Variants in RGS6 observed in about 807,000 individuals in gnomAD.
RGS6 encodes the protein regulator of G-protein signaling 6.
A neutral mutation model predicts 78.5 loss-of-function variants in RGS6; 30 were observed. That is an observed-to-expected ratio of 0.38 (90% CI 0.29 to 0.52). The LOEUF is 0.52. Ranked by LOEUF, RGS6 falls within the 20% of genes least tolerant of loss-of-function variation. The probability of loss-of-function intolerance (pLI) is 0.85; values close to 1 mark genes in which losing one functional copy is unlikely to be tolerated. For synonymous variants in RGS6, 206 were observed against 206.0 expected (o/e 1.00, Z 0.00); for missense variants, 495 against 609.7 (o/e 0.81, Z 1.98).
intron 2 of RGS6, among the ~76,000 whole-genome samples, chr14:72,032,056 G>C (rs1448248167): frequency 2.0e-5 from 3 of 152,232 alleles, no homozygotes; most frequent in East Asian, 3.9e-4. Flanking sequence ...ATGGACTGCT[G>C]TATGTCTACT....
chr14:72,170,312 T>G (rs2096994289), intron 2 of RGS6, among the ~76,000 whole-genome samples: 1 of 152,224 alleles, frequency 6.6e-6, no homozygotes, highest in South Asian at 2.1e-4. Flanking sequence ...TAGTGGACAA[T>G]TTTAAGAAAT....
rs549676732 is a variant in RGS6 at position 72,445,499 on chromosome 14, A to T, written c.185-9029A>T. Among the ~76,000 whole-genome samples the T allele has an allele frequency of 4.0e-5, 6 of 149,552 alleles. No homozygotes were observed. In the East Asian group the frequency reaches 9.9e-4, roughly 25 times the overall value. On this transcript the variant is annotated intron_variant, in intron 3 of 17. Transcript: ENST00000553525. ...AGATGTGATTTTTTTTTTTTTTTTA[A>T]CAGTATCAGTGGGTGAAAGACCCTG... is the stretch of plus-strand genomic sequence containing the variant.
intron 10 of RGS6, among the ~76,000 whole-genome samples, chr14:72,475,022 T>TG (rs777667429): frequency 1.4e-4 from 6 of 44,308 alleles, no homozygotes; most frequent in East Asian, 7.1e-4. Flanking sequence ...CTGGAGTGGG[T>TG]GGGGGTGGGG....
At chr14:72,540,751 TC>T (rs1204493172) in intron 17 of RGS6, 2 of 1,259,694 alleles carry the variant, frequency 1.6e-6, no homozygotes, top group East Asian at 5.4e-5. Flanking sequence ...TCCTGGGTAC[TC>T]CCCGGGGGCA....
chr14:72,042,773 T>C (rs2092535305), intron 2 of RGS6, among the ~76,000 whole-genome samples: 1 of 152,186 alleles, frequency 6.6e-6, no homozygotes, highest in South Asian at 2.1e-4. Flanking sequence ...GGGAGGTTAT[T>C]ATAAATATGG....
At chr14:72,224,264 G>A (rs2047561104) in intron 2 of RGS6, among the ~76,000 whole-genome samples, 1 of 151,988 alleles carries the variant, frequency 6.6e-6, no homozygotes, top group African/African-American at 2.4e-5. Context: ...ACAAAAAAGT[G>A]CAAAAATTAG....
At chr14:72,240,598 C>A (rs2052520136) in intron 2 of RGS6, among the ~76,000 whole-genome samples, 1 of 152,110 alleles carries the variant, frequency 6.6e-6, no homozygotes, top group Non-Finnish European at 1.5e-5. Flanking sequence ...TTATAGTAGG[C>A]AGTACCTCAG....
chr14:72,052,916 T>A lies in RGS6; in HGVS notation c.84+88041T>A, dbSNP rs539667876. ...CAGGACAGTGCACATGTTCAGAGTT[T>A]CATTGTATTTTTCTTTCTTTCTTTC... On this transcript the variant is annotated intron_variant, in intron 2 of 17. Coordinates refer to ENST00000553525, the MANE Select transcript of RGS6 (RefSeq NM_001204424.2). Among the ~76,000 whole-genome samples, 5 of 152,178 alleles carry A rather than the reference T, an allele frequency of 3.3e-5. No homozygotes were observed. The South Asian group carries it at 1.0e-3, about 32-fold the overall frequency.
At chr14:72,604,231 T>C in the RGS6 span, among the ~76,000 whole-genome samples, 2 of 152,160 alleles carry the variant, frequency 1.3e-5, no homozygotes. Context: ...GGTTGCAGTG[T>C]TTAAGACACA....
intron 2 of RGS6, among the ~76,000 whole-genome samples, chr14:72,214,503 T>C (rs145700402): frequency 1.3e-5 from 2 of 152,314 alleles, no homozygotes; most frequent in Non-Finnish European, 2.9e-5. Flanking sequence ...TTCCAAAACG[T>C]GATTGAGCTA....
rs903100795 is a variant in RGS6, at chr14:72,071,413, C to A, written c.84+106538C>A. On this transcript the variant is annotated intron_variant, in intron 2 of 17. Transcript: ENST00000553525. ...TCCAGGATTTTCTCTAGAATATATT[C>A]CTGGGGGTAGAATTGATGATTCATT... Among the ~76,000 whole-genome samples the A allele has an allele frequency of 1.7e-4, 26 of 152,120 alleles. 1 individual carries two copies. Among genetic ancestry groups the A allele is most frequent in the African/African-American group, 6.0e-4 (25 of 41,418 alleles).
At chr14:72,554,974 A>G (rs1367308038) in intron 17 of RGS6, among the ~76,000 whole-genome samples, 1 of 152,170 alleles carries the variant, frequency 6.6e-6, no homozygotes, top group African/African-American at 2.4e-5. Flanking sequence ...GTCCCCCATC[A>G]CTCAGCAAAA....
chr14:71,909,797 C>T, the RGS6 span, among the ~76,000 whole-genome samples: 6 of 152,100 alleles, frequency 3.9e-5, no homozygotes, highest in African/African-American at 9.6e-5. Flanking sequence ...CAAGGGAGAC[C>T]GGTTAAAACA....
At chr14:72,316,558 G>GCA in intron 2 of RGS6, among the ~76,000 whole-genome samples, 1 of 152,256 alleles carries the variant, frequency 6.6e-6, no homozygotes, top group East Asian at 1.9e-4. Context: ...CCTACAAACG[G>GCA]CATGAACTCA....
chr14:72,522,981 T>C (rs1276354314), intron 15 of RGS6, among the ~76,000 whole-genome samples: 1 of 152,264 alleles, frequency 6.6e-6, no homozygotes. Flanking sequence ...TGAATGTTTC[T>C]ACATGAGGAT....
intron 2 of RGS6, among the ~76,000 whole-genome samples, chr14:72,102,499 ACTTT>A (rs1269353211): frequency 6.6e-6 from 1 of 152,194 alleles, no homozygotes; most frequent in Non-Finnish European, 1.5e-5. Flanking sequence ...GGTTTTAGAT[ACTTT>A]CTTTTAATCA....
chr14:71,935,167 A>G (rs886937641), intron 1 of RGS6, among the ~76,000 whole-genome samples: 12 of 152,244 alleles, frequency 7.9e-5, no homozygotes, highest in African/African-American at 2.7e-4. Context: ...GGAAAGAAAT[A>G]GAATTACAAA....
chr14:72,183,084 C>T (rs1368180314), intron 2 of RGS6, among the ~76,000 whole-genome samples: 2 of 152,188 alleles, frequency 1.3e-5, no homozygotes, highest in African/African-American at 4.8e-5. Flanking sequence ...ATACATTCTT[C>T]CTGGCTTTCA....
intron 2 of RGS6, among the ~76,000 whole-genome samples, chr14:72,057,656 A>G (rs370842578): frequency 2.0e-5 from 3 of 152,262 alleles, no homozygotes; most frequent in East Asian, 3.9e-4. Flanking sequence ...ATTTTAACTC[A>G]TTATTAAACT....
Sources: gnomAD v4.1 joint callset for allele counts (sites outside exome capture counted in the v4.1 genomes callset) on GRCh38, gnomAD v4.1.1 for gene constraint, MANE v1.5 for transcripts, NCBI Gene and HGNC (gene_info 2026-07-23, HGNC 2026-07-21) for gene names.